Variants in CD48 observed in about 807,000 individuals in gnomAD.
CD48 encodes CD48 antigen.
Under a neutral mutation model 22.0 loss-of-function variants are expected in CD48, and 20 were observed. The ratio of observed to expected loss-of-function variants is 0.91; its 90% CI spans 0.64 to 1.32. The LOEUF (loss-of-function observed/expected upper bound fraction) is 1.32. Ranked by LOEUF, CD48 falls within the 40% of genes most tolerant of loss-of-function variation. The pLI is 0.00. For missense variants in CD48, 307 were observed against 286.5 expected (o/e 1.07, Z -0.52); for synonymous variants, 110 against 110.1 (o/e 1.00, Z 0.01).
At chr1:160,693,773 G>A (rs1458321901) in intron 1 of CD48, among the ~76,000 whole-genome samples, 8 of 152,176 alleles carry the variant, frequency 5.3e-5, no homozygotes, top group South Asian at 4.1e-4. Context: ...AACCATTGTC[G>A]GGAAACTAGC....
At chr1:160,690,960 G>A (rs1315607833) in intron 1 of CD48, among the ~76,000 whole-genome samples, 1 of 152,262 alleles carries the variant, frequency 6.6e-6, no homozygotes, top group African/African-American at 2.4e-5. Context: ...TCAAACTCAG[G>A]GTTAAATGGA....
chr1:160,679,583 A>G (rs898863750), intron 3 of CD48, among the ~76,000 whole-genome samples: 1 of 152,206 alleles, frequency 6.6e-6, no homozygotes, highest in African/African-American at 2.4e-5. Context: ...GGAAGACAGA[A>G]AAGGAAAGGA....
chr1:160,693,256 G>T (rs1329164699), intron 1 of CD48, among the ~76,000 whole-genome samples: 3 of 152,190 alleles, frequency 2.0e-5, no homozygotes, highest in Non-Finnish European at 2.9e-5. Flanking sequence ...TTGTGGCAAG[G>T]CTCCAAGATG....
rs116513616 is a variant in CD48, at chr1:160,679,810, C to T, written c.653-679G>A. Among the ~76,000 whole-genome samples the T allele has an allele frequency of 5.2e-3, 786 of 152,234 alleles. 13 individuals carry two copies. The highest frequency in any genetic ancestry group is 0.046 in the South Asian group (220 of 4,824). ...CTCTCTTCGGATGAACAGTCACACC[C>T]ATTTTATAGAGGACAGGGAATGTGC... On this transcript the variant is annotated intron_variant, in intron 3 of 3. Transcript: ENST00000368046.
At chr1:160,686,378 G>A (rs1034679524) in intron 1 of CD48, among the ~76,000 whole-genome samples, 5 of 152,134 alleles carry the variant, frequency 3.3e-5, no homozygotes, top group African/African-American at 9.7e-5. Flanking sequence ...AGTGTGCTAT[G>A]GGAATATATT....
chr1:160,710,707 C>T (rs754395563), intron 1 of CD48, among the ~76,000 whole-genome samples: 6 of 152,090 alleles, frequency 3.9e-5, no homozygotes, highest in African/African-American at 9.7e-5. Context: ...CCTATATAGC[C>T]GTAGACTCAC....
chr1:160,681,292 G>A lies in CD48; in HGVS notation c.562C>T (p.His188Tyr). 1 of 1,614,204 alleles carries A rather than the reference G, an allele frequency of 6.2e-7. No individual in the cohort carries two copies. The highest frequency in any genetic ancestry group is 2.2e-5 in the East Asian group (1 of 44,886). ...CAAGTATAACACCTGGAGTAATTAT[G>A]TGGCATAAGGGTGGTTTCAAGCACA... ...NSVLETTLMP[H>Y]NYSRCYTCQV... The change falls in exon 3 of 4, where the codon CAT becomes TAT. Residue 188 changes from histidine to tyrosine, a missense_variant. His to Tyr is a moderately conservative substitution (Grantham distance 83). Transcript: ENST00000368046.
chr1:160,685,312 T>A, intron 1 of CD48, 123 bp from the exon 2 acceptor site: 1 of 715,584 alleles, frequency 1.4e-6, no homozygotes, highest in Non-Finnish European at 2.3e-6. Context: ...GAGCAGTGAG[T>A]ATGGTTTTCA....
chr1:160,696,695 A>G (rs1162140899), intron 1 of CD48, among the ~76,000 whole-genome samples: 2 of 81,264 alleles, frequency 2.5e-5, no homozygotes, highest in Non-Finnish European at 5.5e-5. Context: ...ATGTACCTTC[A>G]TTTGGAAGAT....
intron 2 of CD48, chr1:160,684,341 G>A (rs1661912137): frequency 6.1e-6 from 1 of 164,508 alleles, no homozygotes; most frequent in African/African-American, 2.4e-5. Flanking sequence ...AGGCTGCACA[G>A]CTAGTGAGCA....
intron 1 of CD48, among the ~76,000 whole-genome samples, chr1:160,706,352 G>A (rs921644450): frequency 2.6e-5 from 4 of 152,162 alleles, no homozygotes; most frequent in Admixed American, 1.3e-4. Flanking sequence ...GGGATTACAG[G>A]TGTGAACCAC....
At chr1:160,683,063 T>C (rs1474467423) in intron 2 of CD48, among the ~76,000 whole-genome samples, 2 of 152,232 alleles carry the variant, frequency 1.3e-5, no homozygotes, top group South Asian at 2.1e-4. Flanking sequence ...TGATCTCAGA[T>C]CGCTAAAAGA....
rs150282566 is a variant in CD48, at chr1:160,703,029, T to A, written c.82+8653A>T. Among the ~76,000 whole-genome samples, 277 of 152,242 alleles carry A rather than the reference T, an allele frequency of 1.8e-3. 2 individuals carry two copies. Among genetic ancestry groups the A allele is most frequent in the South Asian group, 0.012 (57 of 4,826 alleles). On this transcript the variant is annotated intron_variant, in intron 1 of 3. Transcript: ENST00000368046. ...AGCTTGGCCTGGAGCGTGTAATTTA[T>A]CCCAAGCTCTCATACACACCTTTGT...
At chr1:160,698,192 TCC>T (rs1308338310) in intron 1 of CD48, among the ~76,000 whole-genome samples, 1 of 152,126 alleles carries the variant, frequency 6.6e-6, no homozygotes, top group Non-Finnish European at 1.5e-5. Flanking sequence ...TAAACCAGCC[TCC>T]CAAACTATAA....
At chr1:160,689,475 TGTAA>T (rs1420503625) in intron 1 of CD48, among the ~76,000 whole-genome samples, 1 of 152,052 alleles carries the variant, frequency 6.6e-6, no homozygotes, top group Non-Finnish European at 1.5e-5. Flanking sequence ...TAAAACCTAG[TGTAA>T]GTGAGATTGA....
At position 160,694,961 on chromosome 1, in the gene CD48, G is replaced by A. The variant is rs990982805; in HGVS notation, c.83-9772C>T. ...GTGTTTGTAATTCAGAAGAAATCCA[G>A]CAAATGGCGTATGTTAACTGACTTA... On this transcript the variant is annotated intron_variant, in intron 1 of 3. Transcript: ENST00000368046. 3.9e-5 allele frequency among the ~76,000 whole-genome samples: 6 copies of A among 152,232 alleles called. No individual in the cohort carries two copies. The East Asian group carries it at 7.7e-4, about 20-fold the overall frequency.
chr1:160,693,110 G>A (rs1452579316), intron 1 of CD48, among the ~76,000 whole-genome samples: 2 of 152,270 alleles, frequency 1.3e-5, no homozygotes, highest in Non-Finnish European at 2.9e-5. Context: ...TAGTCAACAA[G>A]CATTAATGCA....
intron 1 of CD48, among the ~76,000 whole-genome samples, chr1:160,689,519 G>A (rs1378649222): frequency 2.6e-5 from 4 of 152,154 alleles, no homozygotes; most frequent in Non-Finnish European, 5.9e-5. Flanking sequence ...AGAACAGAGG[G>A]ATGTTATTTT....
At chr1:160,681,179 C>G in intron 3 of CD48, 23 bp downstream of exon 3, 1 of 1,614,102 alleles carries the variant, frequency 6.2e-7, no homozygotes, top group South Asian at 1.1e-5. Flanking sequence ...GTGCCCCCCT[C>G]AGCTCCCAGG....
Sources: gnomAD v4.1 joint callset for allele counts (sites outside exome capture counted in the v4.1 genomes callset) on GRCh38, gnomAD v4.1.1 for gene constraint, MANE v1.5 for transcripts, NCBI Gene and HGNC (gene_info 2026-07-23, HGNC 2026-07-21) for gene names.